ENTREP1: variants seen among roughly 807,000 people sequenced by gnomAD.
The protein encoded by ENTREP1 is Friedreich ataxia region gene X123.
At chr9:69,377,737 A>AATC in the ENTREP1 span, 1 of 1,611,856 alleles carries the variant, frequency 6.2e-7, no homozygotes, top group South Asian at 1.1e-5. Flanking sequence ...ACCCCGGATG[A>AATC]ACCGCAGGTA....
the ENTREP1 span, among the ~76,000 whole-genome samples, chr9:69,367,814 CATAT>C: frequency 9.0e-6 from 1 of 111,342 alleles, no homozygotes; most frequent in African/African-American, 3.2e-5. Context: ...TATATACACA[CATAT>C]ATATAAATAT....
chr9:69,390,840 G>A, the ENTREP1 span, among the ~76,000 whole-genome samples: 1 of 152,048 alleles, frequency 6.6e-6, no homozygotes, highest in Non-Finnish European at 1.5e-5. Context: ...GAGGTCTTGC[G>A]ATGTTGTCCA....
At chr9:69,368,850 T>A in the ENTREP1 span, among the ~76,000 whole-genome samples, 1 of 152,094 alleles carries the variant, frequency 6.6e-6, no homozygotes, top group African/African-American at 2.4e-5. Context: ...TTTTTTAAAT[T>A]ATACTTTAAG....
chr9:69,340,667 G>GCATGTGTGTGTGTATGTGTGTGTA, the ENTREP1 span, among the ~76,000 whole-genome samples: 1 of 19,570 alleles, frequency 5.1e-5, no homozygotes, highest in Non-Finnish European at 1.1e-4. Context: ...GTGTGTGTGC[G>GCATGTGTGTGTGTATGTGTGTGTA]TGTGTGTGTG....
the ENTREP1 span, among the ~76,000 whole-genome samples, chr9:69,372,141 G>A: frequency 2.6e-5 from 4 of 152,160 alleles, no homozygotes; most frequent in African/African-American, 7.2e-5. Context: ...TGAGTAAGAG[G>A]TTGTGGACTT....
chr9:69,367,744 C>CAT, the ENTREP1 span, among the ~76,000 whole-genome samples: 14,196 of 98,836 alleles, frequency 0.14, 4,693 homozygotes, highest in Non-Finnish European at 0.18. Flanking sequence ...TATATATACA[C>CAT]ATATATAAAT....
At chr9:69,324,950 T>G in the ENTREP1 span, 1 of 984,974 alleles carries the variant, frequency 1.0e-6, no homozygotes, top group Non-Finnish European at 1.2e-6. Context: ...CTTAAATATT[T>G]GGGGCAGGGC....
chr9:69,386,821 A>G, the ENTREP1 span: 1 of 152,226 alleles, frequency 6.6e-6, no homozygotes, highest in Non-Finnish European at 1.5e-5. Flanking sequence ...CAGAGAGAAC[A>G]TTCCTCTTGT....
At chr9:69,364,470 C>T in the ENTREP1 span, among the ~76,000 whole-genome samples, 2 of 151,678 alleles carry the variant, frequency 1.3e-5, no homozygotes, top group Non-Finnish European at 2.9e-5. Context: ...GCTGAGTCGT[C>T]TTTGTGACTA....
the ENTREP1 span, chr9:69,371,605 A>G: frequency 6.2e-7 from 1 of 1,605,390 alleles, no homozygotes; most frequent in Non-Finnish European, 8.5e-7. Flanking sequence ...CCCAGGTGTG[A>G]TCTGGTAAGC....
At chr9:69,358,008 A>G in the ENTREP1 span, among the ~76,000 whole-genome samples, 1 of 152,184 alleles carries the variant, frequency 6.6e-6, no homozygotes, top group Non-Finnish European at 1.5e-5. Context: ...ACCAGTGACT[A>G]ATCAGGTTTT....
At chr9:69,375,137 G>A in the ENTREP1 span, among the ~76,000 whole-genome samples, 1 of 152,250 alleles carries the variant, frequency 6.6e-6, no homozygotes, top group Non-Finnish European at 1.5e-5. Flanking sequence ...GGTAGCTGAA[G>A]TTTCTGAAGA....
chr9:69,367,744 C>CATATATAAATATATATATACACAT, the ENTREP1 span, among the ~76,000 whole-genome samples: 357 of 98,642 alleles, frequency 3.6e-3, 10 homozygotes, highest in Non-Finnish European at 4.3e-3. Flanking sequence ...TATATATACA[C>CATATATAAATATATATATACACAT]ATATATAAAT....
At chr9:69,350,605 A>G in the ENTREP1 span, among the ~76,000 whole-genome samples, 1 of 152,168 alleles carries the variant, frequency 6.6e-6, no homozygotes, top group South Asian at 2.1e-4. Context: ...TTTTTCTTTG[A>G]GTTCTTTTTT....
chr9:69,352,008 C>A, the ENTREP1 span, among the ~76,000 whole-genome samples: 1 of 152,164 alleles, frequency 6.6e-6, no homozygotes, highest in Admixed American at 6.6e-5. Flanking sequence ...TTTGAAGATA[C>A]ATATTACATA....
the ENTREP1 span, chr9:69,325,535 C>T: frequency 1.8e-6 from 2 of 1,113,548 alleles, no homozygotes; most frequent in East Asian, 9.4e-5. Context: ...GCTCTCCTCC[C>T]GCCGGGCAGT....
chr9:69,359,625 A>T, the ENTREP1 span, among the ~76,000 whole-genome samples: 1 of 152,152 alleles, frequency 6.6e-6, no homozygotes, highest in East Asian at 1.9e-4. Context: ...CTGAACTGTG[A>T]GTCAATTAAA....
chr9:69,343,535 G>C, the ENTREP1 span, among the ~76,000 whole-genome samples: 1 of 152,110 alleles, frequency 6.6e-6, no homozygotes, highest in South Asian at 2.1e-4. Context: ...TGATCTCCCT[G>C]GCTCAGGTGA....
the ENTREP1 span, among the ~76,000 whole-genome samples, chr9:69,343,514 C>T: frequency 1.3e-5 from 2 of 152,122 alleles, no homozygotes; most frequent in Non-Finnish European, 2.9e-5. Context: ...CGTCGCAGCT[C>T]ACTGCAGCCT....
Sources: allele counts gnomAD v4.1 joint callset (sites outside exome capture counted in the v4.1 genomes callset), GRCh38; gene constraint gnomAD v4.1.1; transcripts MANE v1.5; gene names NCBI Gene and HGNC (gene_info 2026-07-23, HGNC 2026-07-21).